PRSS23: variants seen among roughly 807,000 people sequenced by gnomAD.
PRSS23 encodes serine protease 23, also known as protease, serine 23.
PRSS23 carries 25 observed loss-of-function variants against 34.7 expected under a neutral mutation model. That is an observed-to-expected ratio of 0.72 (90% confidence interval 0.53 to 1.01). PRSS23 has a LOEUF of 1.01. Among genes scored for constraint, PRSS23 ranks in the 50% least tolerant of loss-of-function variants. The pLI is 0.00. For missense variants in PRSS23, 445 were observed against 475.6 expected (o/e 0.94, Z 0.60); for synonymous variants, 176 against 186.6 (o/e 0.94, Z 0.46).
At chr11:86,875,874 CTT>C (rs1409965013) in intron 2 of PRSS23, among the ~76,000 whole-genome samples, 2 of 152,330 alleles carry the variant, frequency 1.3e-5, no homozygotes, top group South Asian at 2.1e-4. Context: ...TTTCTAAAGA[CTT>C]TTGACAATCT....
chr11:86,847,556 C>T (rs550181502), intron 2 of PRSS23, among the ~76,000 whole-genome samples: 1 of 152,214 alleles, frequency 6.6e-6, no homozygotes, highest in African/African-American at 2.4e-5. Flanking sequence ...AGATGAGTCC[C>T]AGGACTAACC....
chr11:86,926,948 G>T (rs1036822898), intron 2 of PRSS23, among the ~76,000 whole-genome samples: 1 of 152,188 alleles, frequency 6.6e-6, no homozygotes, highest in Non-Finnish European at 1.5e-5. Context: ...TGGTTTGGAA[G>T]TGAGGCAAGG....
At chr11:86,874,361 A>G (rs777114625) in intron 2 of PRSS23, among the ~76,000 whole-genome samples, 4 of 152,220 alleles carry the variant, frequency 2.6e-5, no homozygotes, top group Non-Finnish European at 5.9e-5. Context: ...TAAATGATGA[A>G]ACATTTGTTA....
intron 2 of PRSS23, among the ~76,000 whole-genome samples, chr11:86,858,114 T>C (rs1948585599): frequency 6.6e-6 from 1 of 152,014 alleles, no homozygotes; most frequent in African/African-American, 2.4e-5. Flanking sequence ...TCTCAGAAAC[T>C]GTACACCCCT....
chr11:86,949,737 A>C (rs959253128), intron 2 of PRSS23: 3 of 152,688 alleles, frequency 2.0e-5, no homozygotes, highest in Non-Finnish European at 4.4e-5. Context: ...TTTGCAGTTC[A>C]TTTCATATGG....
rs1439838074 is a variant in PRSS23 at position 86,846,951 on chromosome 11, C to A, written c.206+23358C>A. Among the ~76,000 whole-genome samples, 4 of 152,192 alleles carry A rather than the reference C, an allele frequency of 2.6e-5. No individual in the cohort carries two copies. The East Asian group carries it at 7.7e-4, about 29-fold the overall frequency. On this transcript the variant is annotated intron_variant, in intron 2 of 2. Transcript: ENST00000533902. ...CTTAGGGCATTTCCTCCATTGCTCC[C>A]CAGATAAACTTTCCCCTTCCTTGGG...
At chr11:86,939,393 T>TAAAAA (rs778076028) in intron 2 of PRSS23, among the ~76,000 whole-genome samples, 1,123 of 83,630 alleles carry the variant, frequency 0.013, 22 homozygotes, top group South Asian at 0.02. Context: ...ATTTCTCAGT[T>TAAAAA]AAAAAAAAAA....
rs970270022 is a variant in PRSS23 at position 86,835,044 on chromosome 11, A to G, written c.206+11451A>G. ...CATAGGTTTGAGCAATTACTTGTTG[A>G]CAGTTATATTCTACCTTTTCTTCAT... On this transcript the variant is annotated intron_variant, in intron 2 of 2. Transcript: ENST00000533902. 2.1e-4 allele frequency among the ~76,000 whole-genome samples: 32 copies of G among 152,196 alleles called. 1 individual carries two copies. Among genetic ancestry groups the G allele is most frequent in the Non-Finnish European group, 7.3e-5 (5 of 68,034 alleles).
At chr11:86,894,549 A>C (rs1286867673) in intron 2 of PRSS23, among the ~76,000 whole-genome samples, 1 of 152,156 alleles carries the variant, frequency 6.6e-6, no homozygotes, top group Admixed American at 6.5e-5. Context: ...GGCAGCTCCC[A>C]GTGTCAAGGG....
chr11:86,872,856 A>T (rs1332398948), intron 2 of PRSS23, among the ~76,000 whole-genome samples: 1 of 152,164 alleles, frequency 6.6e-6, no homozygotes, highest in Non-Finnish European at 1.5e-5. Flanking sequence ...CCTGAATTTC[A>T]GTTTCCTTAT....
downstream of PRSS23, among the ~76,000 whole-genome samples, chr11:86,815,467 G>C (rs1427948126): frequency 6.6e-6 from 1 of 152,224 alleles, no homozygotes; most frequent in African/African-American, 2.4e-5. Flanking sequence ...AATGATCCCA[G>C]ATGGTTTATA....
At chr11:86,867,890 A>AAAAAAAAAAAAAAAAAAAAC (rs1565371142) in intron 2 of PRSS23, among the ~76,000 whole-genome samples, 1 of 151,508 alleles carries the variant, frequency 6.6e-6, no homozygotes, top group African/African-American at 2.4e-5. Flanking sequence ...AAAAAAAAAA[A>AAAAAAAAAAAAAAAAAAAAC]ATACAACAGA....
intron 2 of PRSS23, among the ~76,000 whole-genome samples, chr11:86,889,921 A>G (rs888153467): frequency 6.6e-6 from 1 of 152,156 alleles, no homozygotes; most frequent in Non-Finnish European, 1.5e-5. Context: ...GACCCTAGAG[A>G]TTCAAATTTA....
At chr11:86,862,268 T>C (rs1939108) in intron 2 of PRSS23, among the ~76,000 whole-genome samples, 46,972 of 151,554 alleles carry the variant, frequency 0.31, 7,487 homozygotes, top group Non-Finnish European at 0.35. Flanking sequence ...GTAATATCCT[T>C]GGGGTATGTT....
chr11:86,934,774 A>C (rs1335806435), intron 2 of PRSS23: 14 of 152,212 alleles, frequency 9.2e-5, no homozygotes, highest in Admixed American at 9.2e-4. Flanking sequence ...GTAATCAATC[A>C]CATCCAGGAC....
intron 2 of PRSS23, among the ~76,000 whole-genome samples, chr11:86,918,732 A>G (rs932479727): frequency 6.6e-6 from 1 of 152,258 alleles, no homozygotes; most frequent in African/African-American, 2.4e-5. Flanking sequence ...GCCTGAATGT[A>G]TACAGCATTA....
intron 2 of PRSS23, among the ~76,000 whole-genome samples, chr11:86,943,648 G>GA (rs921582410): frequency 3.3e-5 from 5 of 151,544 alleles, no homozygotes; most frequent in South Asian, 2.1e-4. Context: ...AAATAAAATA[G>GA]AAAAAAAATA....
intron 2 of PRSS23, chr11:86,921,890 A>C (rs943095923): frequency 1.4e-4 from 22 of 152,160 alleles, no homozygotes; most frequent in Admixed American, 1.4e-3. Context: ...AGGGAACACC[A>C]CTCCTGGCAA....
intron 2 of PRSS23, among the ~76,000 whole-genome samples, chr11:86,849,414 G>A (rs1380317875): frequency 6.6e-6 from 1 of 152,074 alleles, no homozygotes; most frequent in African/African-American, 2.4e-5. Context: ...TTACCCATTT[G>A]TTGTCCCCTA....
Sources: allele counts gnomAD v4.1 joint callset (sites outside exome capture counted in the v4.1 genomes callset), GRCh38; gene constraint gnomAD v4.1.1; transcripts MANE v1.5; gene names NCBI Gene and HGNC (gene_info 2026-07-23, HGNC 2026-07-21).